The following GRM5 variants were observed in gnomAD, a reference collection of about 807,000 sequenced individuals.
GRM5 encodes metabotropic glutamate receptor 5.
In GRM5, 19 loss-of-function variants were observed where a neutral mutation model predicts 83.1. That is an observed-to-expected ratio of 0.23 (90% CI 0.16 to 0.34). GRM5 has a LOEUF of 0.34. GRM5 is among the 10% of genes least tolerant of loss of function. GRM5 has a pLI of 1.00. For synonymous variants in GRM5, 675 were observed against 633.6 expected (o/e 1.07, Z -0.98); for missense variants, 1,160 against 1,588.3 (o/e 0.73, Z 4.58).
At chr11:88,736,996 T>G (rs1276569843) in intron 3 of GRM5, among the ~76,000 whole-genome samples, 2 of 152,102 alleles carry the variant, frequency 1.3e-5, no homozygotes, top group Admixed American at 1.3e-4. Context: ...TCAGATTAAG[T>G]GCTAAACCAG....
chr11:88,744,671 A>G (rs1383126202), intron 3 of GRM5, among the ~76,000 whole-genome samples: 1 of 152,158 alleles, frequency 6.6e-6, no homozygotes, highest in Non-Finnish European at 1.5e-5. Flanking sequence ...CTACTGCACC[A>G]TGATGCCTTC....
At chr11:88,679,601 A>C (rs1189229760) in intron 3 of GRM5, among the ~76,000 whole-genome samples, 1 of 151,680 alleles carries the variant, frequency 6.6e-6, no homozygotes, top group Non-Finnish European at 1.5e-5. Flanking sequence ...AGTTGACTCA[A>C]AGTTAGCTTC....
At chr11:88,520,487 A>T (rs1941651038) in intron 9 of GRM5, among the ~76,000 whole-genome samples, 2 of 152,152 alleles carry the variant, frequency 1.3e-5, no homozygotes, top group South Asian at 2.1e-4. Context: ...TACTGGTACA[A>T]ACTATAGCAT....
intron 2 of GRM5, among the ~76,000 whole-genome samples, chr11:88,875,007 G>T (rs1385673575): frequency 6.6e-6 from 1 of 151,636 alleles, no homozygotes; most frequent in Non-Finnish European, 1.5e-5. Context: ...ATTGATCAGG[G>T]CGGTGGCTGC....
rs147373310 is a variant in GRM5 at position 89,058,720 on chromosome 11, A to G, written c.-201+7056T>C. Among the ~76,000 whole-genome samples the G allele has an allele frequency of 1.6e-3, 251 of 152,306 alleles. 3 individuals are homozygous for G. The highest frequency in any genetic ancestry group is 0.014 in the Middle Eastern group (4 of 294). ...TTAAGCTTTAAGAGTCAAGGTTGAT[A>G]TTACCTTACATTAAATATGCATAGT... On this transcript the variant is annotated intron_variant, in intron 1 of 9. Coordinates refer to ENST00000305447, the MANE Select transcript of GRM5 (RefSeq NM_001143831.3).
chr11:88,876,945 TAA>T (rs1343075093), intron 2 of GRM5, among the ~76,000 whole-genome samples: 26 of 152,088 alleles, frequency 1.7e-4, no homozygotes, highest in Non-Finnish European at 1.2e-4. Flanking sequence ...GACATTATGT[TAA>T]GTTAAAGAAG....
chr11:88,979,894 GTCTT>G (rs1431692092), intron 2 of GRM5, among the ~76,000 whole-genome samples: 1 of 152,116 alleles, frequency 6.6e-6, no homozygotes, highest in Non-Finnish European at 1.5e-5. Flanking sequence ...TTGAGTCACG[GTCTT>G]TCTAATTCCC....
chr11:88,998,136 G>A (rs113609703), intron 2 of GRM5, among the ~76,000 whole-genome samples: 2,352 of 149,822 alleles, frequency 0.016, 27 homozygotes, highest in Middle Eastern at 0.041. Flanking sequence ...GGAAGAGGGG[G>A]AGGGAGGGAG....
intron 3 of GRM5, among the ~76,000 whole-genome samples, chr11:88,769,853 A>G (rs1407257282): frequency 6.6e-6 from 1 of 152,060 alleles, no homozygotes; most frequent in Non-Finnish European, 1.5e-5. Context: ...AGGGAGAGCA[A>G]AACTCTCCAC....
intron 2 of GRM5, among the ~76,000 whole-genome samples, chr11:88,987,134 G>A (rs1461484096): frequency 5.3e-5 from 8 of 152,058 alleles, no homozygotes; most frequent in African/African-American, 1.7e-4. Flanking sequence ...GACAGTGGGC[G>A]CAGGTCAGTG....
intron 3 of GRM5, among the ~76,000 whole-genome samples, chr11:88,791,770 TTGAAA>T (rs1309148305): frequency 6.6e-6 from 1 of 152,160 alleles, no homozygotes; most frequent in Non-Finnish European, 1.5e-5. Flanking sequence ...ATAATCAGTA[TTGAAA>T]TGAAATCAAT....
At chr11:88,514,286 T>C (rs1941465989) in intron 9 of GRM5, among the ~76,000 whole-genome samples, 1 of 152,202 alleles carries the variant, frequency 6.6e-6, no homozygotes, top group Non-Finnish European at 1.5e-5. Context: ...ATTAAGTTTT[T>C]TGTTTATTTG....
At chr11:88,887,018 C>T (rs1394186201) in intron 2 of GRM5, among the ~76,000 whole-genome samples, 2 of 152,144 alleles carry the variant, frequency 1.3e-5, no homozygotes, top group African/African-American at 2.4e-5. Context: ...GGATCTTTTC[C>T]ATGAGGCACA....
intron 2 of GRM5, among the ~76,000 whole-genome samples, chr11:89,038,151 TTGTG>T (rs35505173): frequency 8.9e-4 from 128 of 144,566 alleles, no homozygotes; most frequent in South Asian, 2.6e-3. Flanking sequence ...TAGAATCTCA[TTGTG>T]TGTGTGTGTG....
intron 3 of GRM5, among the ~76,000 whole-genome samples, chr11:88,665,755 C>T (rs915488823): frequency 6.6e-6 from 1 of 151,166 alleles, no homozygotes; most frequent in Non-Finnish European, 1.5e-5. Context: ...GCAAGCCCTC[C>T]TCTGAAGACA....
At chr11:88,592,076 A>C (rs1351888194) in intron 6 of GRM5, among the ~76,000 whole-genome samples, 4 of 152,224 alleles carry the variant, frequency 2.6e-5, no homozygotes, top group Non-Finnish European at 5.9e-5. Flanking sequence ...ATTGAGTCTT[A>C]CTGGAAGATA....
intron 9 of GRM5, among the ~76,000 whole-genome samples, chr11:88,522,187 G>C (rs1006060028): frequency 2.0e-5 from 3 of 152,120 alleles, no homozygotes; most frequent in Non-Finnish European, 2.9e-5. Flanking sequence ...AGGGGGTGGA[G>C]TAGGGATGAA....
intron 9 of GRM5, among the ~76,000 whole-genome samples, chr11:88,511,298 G>A (rs1042370749): frequency 6.6e-6 from 1 of 152,192 alleles, no homozygotes; most frequent in Non-Finnish European, 1.5e-5. Context: ...TACCTCATTT[G>A]GAATCCACCA....
chr11:88,980,169 T>C (rs1203693389), intron 2 of GRM5, among the ~76,000 whole-genome samples: 2 of 152,146 alleles, frequency 1.3e-5, no homozygotes, highest in Non-Finnish European at 2.9e-5. Flanking sequence ...AGTTTTATAA[T>C]TGAAAAAACA....
Sources: allele counts gnomAD v4.1 joint callset (sites outside exome capture counted in the v4.1 genomes callset), GRCh38; gene constraint gnomAD v4.1.1; transcripts MANE v1.5; gene names NCBI Gene and HGNC (gene_info 2026-07-23, HGNC 2026-07-21).